RPS14: variants seen among roughly 807,000 people sequenced by gnomAD.
RPS14 encodes ribosomal protein S14.
Under a neutral mutation model 15.4 loss-of-function variants are expected in RPS14, and 1 was observed. That is an observed-to-expected ratio of 0.07 (90% CI 0.02 to 0.31). The LOEUF (loss-of-function observed/expected upper bound fraction) is 0.31, where lower values mean the gene tolerates loss of function less well. Among genes scored for constraint, RPS14 ranks in the 10% least tolerant of loss-of-function variants. The probability of loss-of-function intolerance (pLI) is 1.00; values close to 1 mark genes in which losing one functional copy is unlikely to be tolerated. For synonymous variants in RPS14, 68 were observed against 74.4 expected, an observed-to-expected ratio of 0.91 and a Z score of 0.44; for missense variants, 69 against 205.5, an observed-to-expected ratio of 0.34 and a Z score of 4.06.
rs939603551 is a variant in RPS14 at position 150,446,480 on chromosome 5, A to G, written c.311+322T>C. On this transcript the variant is annotated intron_variant, in intron 3 of 4. Transcript: ENST00000407193. This position sits in a 1 kb window ranked among gnomAD's most constrained non-coding sequence, Gnocchi z 4.2. ...CTTGTGCTTCCTGGCATTTGTCACA[A>G]ATGAAAACCACATACTCCCTGGTGC... Among the ~76,000 whole-genome samples, 1 of 152,246 alleles carries G rather than the reference A, an allele frequency of 6.6e-6. No homozygotes were observed. The highest frequency in any genetic ancestry group is 1.5e-5 in the Non-Finnish European group (1 of 68,010).
intron 3 of RPS14, among the ~76,000 whole-genome samples, chr5:150,445,921 T>C (rs963072912): frequency 2.6e-5 from 4 of 152,030 alleles, no homozygotes; most frequent in South Asian, 2.1e-4. Context: ...TGAAACCCCA[T>C]CTCTACAAAA....
intron 4 of RPS14, among the ~76,000 whole-genome samples, chr5:150,444,905 C>T (rs976352796): frequency 1.3e-5 from 2 of 152,090 alleles, no homozygotes; most frequent in South Asian, 2.1e-4. Context: ...GTCCCAGCTA[C>T]TCAGTAGATG....
Position 150,446,900 on chromosome 5 carries a change from T to C in RPS14, c.213A>G (p.Pro71=), listed in dbSNP as rs200242397. 9.3e-5 allele frequency: 150 copies of C among 1,614,080 alleles called. No homozygotes were observed. The highest frequency in any genetic ancestry group is 1.1e-4 in the Non-Finnish European group (133 of 1,180,040). ...KVKADRDESS[P]YAAMLAAQDV... ...CCTGGGCAGCCAACATAGCAGCATATGGTGAGGATTCATCTCGGTCTGCCT... is the reference window on the plus strand; with the variant it reads ...CCTGGGCAGCCAACATAGCAGCATACGGTGAGGATTCATCTCGGTCTGCCT... Residue 71 remains proline, a synonymous_variant, in exon 3 of 5, where the codon CCA becomes CCG. Coordinates refer to ENST00000407193, the MANE Select transcript of RPS14 (RefSeq NM_005617.4). The surrounding 1 kb of genome is among the most constrained non-coding windows in gnomAD (Gnocchi z 4.2).
At position 150,446,761 on chromosome 5, in the gene RPS14, C is replaced by A; in HGVS notation, c.311+41G>T. 1 of 1,596,666 alleles carries A rather than the reference C, an allele frequency of 6.3e-7. No individual in the cohort carries two copies. The highest frequency in any genetic ancestry group is 1.1e-5 in the South Asian group (1 of 88,956). ...CAGGTGCTCCAGCACCCAAGCCCAG[C>A]AGGTTTTCTACCACCCAGCCATCCC... On this transcript the variant is annotated intron_variant, in intron 3 of 4. Transcript: ENST00000407193. This position sits in a 1 kb window ranked among gnomAD's most constrained non-coding sequence, Gnocchi z 4.2.
chr5:150,448,940 G>C (rs904765954), intron 1 of RPS14: 1 of 152,266 alleles, frequency 6.6e-6, no homozygotes, highest in Non-Finnish European at 1.5e-5. Context: ...CCACAGGAGA[G>C]AAGCCCAAAG....
intron 1 of RPS14, chr5:150,448,683 G>C (rs1460229512): frequency 6.6e-6 from 1 of 152,302 alleles, no homozygotes; most frequent in African/African-American, 2.4e-5. Context: ...TAGAAACAAC[G>C]TGTCCTGACT....
intron 4 of RPS14, chr5:150,444,565 G>C: frequency 1.2e-5 from 8 of 669,874 alleles, no homozygotes. Flanking sequence ...TCCAGAAAGG[G>C]AAACAGGCTG....
chr5:150,446,089 C>CA lies in RPS14; in HGVS notation c.312-405dup, dbSNP rs1286521080. Among the ~76,000 whole-genome samples the CA allele has an allele frequency of 2.2e-5, 3 of 139,392 alleles. No individual in the cohort carries two copies. Among genetic ancestry groups the CA allele is most frequent in the African/African-American group, 5.2e-5 (2 of 38,682 alleles). 91.4% of individuals were successfully genotyped at this position (139,392 alleles called of 152,430 possible). On this transcript the variant is annotated intron_variant, in intron 3 of 4. Coordinates refer to ENST00000407193, the MANE Select transcript of RPS14 (RefSeq NM_005617.4). This position sits in a 1 kb window ranked among gnomAD's most constrained non-coding sequence, Gnocchi z 4.2. ...CCTGGGTGAGAGTGAGACCCTGTCT[C>CA]AAAAAAGAGGAAAAAAAAAAAAGCC...
chr5:150,446,943 G>A lies in RPS14; in HGVS notation c.170C>T (p.Thr57Ile). 1 of 1,614,176 alleles carries A rather than the reference G, an allele frequency of 6.2e-7. No homozygotes were observed. Among genetic ancestry groups the A allele is most frequent in the South Asian group, 1.1e-5 (1 of 91,086 alleles). The change falls in exon 3 of 5, where the codon ACT becomes ATT. Residue 57 changes from threonine to isoleucine, a missense_variant. Physicochemically the swap from Thr to Ile is moderately conservative, Grantham distance 89 (BLOSUM62 -1). Transcript: ENST00000407193. The surrounding 1 kb of genome is among the most constrained non-coding windows in gnomAD (Gnocchi z 4.2). The stretch of plus-strand genomic sequence containing the variant: ...GTCTGCCTTTACCTTCATCCCACCA[G>A]TCACACGGCAGATGGTTTCCCTGGG... Reference protein sequence around the residue: ...LSGKETICRVTGGMKVKADRD... With the variant: ...LSGKETICRVIGGMKVKADRD...
At chr5:150,447,338 G>A (rs2151201262) in intron 2 of RPS14, 5 of 564,838 alleles carry the variant, frequency 8.9e-6, no homozygotes, top group Non-Finnish European at 1.6e-5. Context: ...AAGGGAACTA[G>A]GGAAAGAAGA....
At chr5:150,444,710 GA>G (rs1191363478) in intron 4 of RPS14, 5 of 476,624 alleles carry the variant, frequency 1.0e-5, no homozygotes, top group East Asian at 6.0e-5. Flanking sequence ...AAAAGACACT[GA>G]AAAAAAGTCT....
Position 150,445,367 on chromosome 5 carries a change from T to G in RPS14, c.388+242A>C. 3.2e-5 allele frequency: 21 copies of G among 658,776 alleles called. No homozygotes were observed. In the South Asian group the frequency reaches 3.2e-4, roughly 10 times the overall value. 40.8% of individuals were successfully genotyped at this position (658,776 alleles called of 1,614,324 possible). A position where few individuals can be genotyped will look rare whatever the true frequency, so the allele number is the denominator to read the frequency against. On this transcript the variant is annotated intron_variant, in intron 4 of 4. Transcript: ENST00000407193. ...AAGGACAATTCATCTCTTGTCAGTT[T>G]TACCTGCACCAGGCAGTGTAGGACA...
At position 150,443,634 on chromosome 5, in the gene RPS14, C is replaced by A. The variant is rs1056601309; in HGVS notation, c.*652G>T. ...ACCAGCCTGTCCTAACCATGGCAGG[C>A]ACCATCACGGGGCCTTGTGGTAATC... On this transcript the variant is annotated 3_prime_UTR_variant, in exon 5 of 5. Coordinates refer to ENST00000407193, the MANE Select transcript of RPS14 (RefSeq NM_005617.4). The A allele has an allele frequency of 1.3e-5, 2 of 152,326 alleles. No homozygotes were observed. Among genetic ancestry groups the A allele is most frequent in the African/African-American group, 4.8e-5 (2 of 41,450 alleles). 9.4% of individuals were successfully genotyped at this position (152,326 alleles called of 1,614,324 possible).
intron 1 of RPS14, chr5:150,449,307 C>G (rs1327506642): frequency 6.6e-6 from 1 of 152,290 alleles, no homozygotes; most frequent in African/African-American, 2.4e-5. Context: ...ATTTTGCAAA[C>G]GAGGAAACAA....
chr5:150,447,020 A>G, intron 2 of RPS14, 57 bp from the exon 3 acceptor site: 4 of 1,588,182 alleles, frequency 2.5e-6, no homozygotes, highest in African/African-American at 1.3e-5. Flanking sequence ...TGCTTACGAT[A>G]TCCTAATGAG....
rs990350261 is a variant in RPS14, at chr5:150,446,703, C to G, written c.311+99G>C. On this transcript the variant is annotated intron_variant, in intron 3 of 4. Transcript: ENST00000407193. This position sits in a 1 kb window ranked among gnomAD's most constrained non-coding sequence, Gnocchi z 4.2. Reference sequence around the variant, plus strand: ...ATGTATATGCCTAAAATATCTTGTTCAAGGTCACAACAAAAAACCCAAACC... The same window carrying G: ...ATGTATATGCCTAAAATATCTTGTTGAAGGTCACAACAAAAAACCCAAACC... 84 of 1,339,084 alleles carry G rather than the reference C, an allele frequency of 6.3e-5. No individual in the cohort carries two copies. The East Asian group carries it at 1.5e-3, about 23-fold the overall frequency. 83.0% of individuals were successfully genotyped at this position (1,339,084 alleles called of 1,614,324 possible). A position where few individuals can be genotyped will look rare whatever the true frequency, so the allele number is the denominator to read the frequency against.
chr5:150,449,216 A>C (rs140640646), intron 1 of RPS14: 1 of 152,252 alleles, frequency 6.6e-6, no homozygotes, highest in Admixed American at 6.5e-5. Flanking sequence ...AGAAGCATCC[A>C]ACATAGTGCG....
chr5:150,447,915 G>T (rs1238446597), intron 1 of RPS14, 180 bp from the exon 2 acceptor site: 4 of 653,334 alleles, frequency 6.1e-6, no homozygotes, highest in Non-Finnish European at 1.0e-5. Context: ...ACTTGGGGGG[G>T]TATCAACTGT....
intron 1 of RPS14, chr5:150,448,726 T>TG (rs1349432851): frequency 6.6e-6 from 1 of 152,430 alleles, no homozygotes; most frequent in East Asian, 1.9e-4. Flanking sequence ...CCTGCCAAGA[T>TG]GCCTCTACAC....
Sources: gnomAD v4.1 joint callset for allele counts (sites outside exome capture counted in the v4.1 genomes callset) on GRCh38, gnomAD v4.1.1 for gene constraint, Gnocchi (gnomAD v3.1) non-coding constraint, MANE v1.5 for transcripts, NCBI Gene and HGNC (gene_info 2026-07-23, HGNC 2026-07-21) for gene names.